Variants in SH3BP4 observed in about 807,000 individuals in gnomAD.
The protein encoded by SH3BP4 is SH3 domain-binding protein 4.
In SH3BP4, 33 loss-of-function variants were observed where a neutral mutation model predicts 65.5. That is an observed-to-expected ratio of 0.50 (90% CI 0.38 to 0.67). The LOEUF (loss-of-function observed/expected upper bound fraction) is 0.67. Ranked by LOEUF, SH3BP4 falls within the 30% of genes least tolerant of loss-of-function variation. SH3BP4 has a pLI of 0.00. For synonymous variants in SH3BP4, 552 were observed against 545.5 expected (o/e 1.01, Z -0.17); for missense variants, 1,134 against 1,261.4 (o/e 0.90, Z 1.53).
At chr2:234,964,432 G>C (rs574955982) in intron 1 of SH3BP4, among the ~76,000 whole-genome samples, 1 of 152,326 alleles carries the variant, frequency 6.6e-6, no homozygotes, top group Non-Finnish European at 1.5e-5. Flanking sequence ...TAAATGGGGA[G>C]CCCACCAGAT....
intron 1 of SH3BP4, among the ~76,000 whole-genome samples, chr2:234,968,377 C>CTTTTTTTTTTTTTTTTTTTTTTTTTTTTT (rs551034590): frequency 9.5e-6 from 1 of 105,772 alleles, no homozygotes; most frequent in Non-Finnish European, 2.0e-5. Context: ...CAGAGTTGTT[C>CTTTTTTTTTTTTTTTTTTTTTTTTTTTTT]TTTTTTTTTT....
chr2:235,041,590 C>G lies in SH3BP4; in HGVS notation c.821C>G (p.Pro274Arg). ...SFFTGLKSPAPEQFQSREDFR... is the reference protein window; with the variant it reads ...SFFTGLKSPAREQFQSREDFR... ...TTCACCGGCTTGAAATCACCTGCCC[C>G]CGAGCAATTTCAGAGCCGGGAGGAT... The change falls in exon 4 of 6, where the codon CCC becomes CGC. Residue 274 changes from proline to arginine, a missense_variant. Transcript: ENST00000392011. The surrounding 1 kb of genome is among the most constrained non-coding windows in gnomAD (Gnocchi z 6.0). The G allele has an allele frequency of 6.2e-7, 1 of 1,614,070 alleles. No homozygotes were observed. The highest frequency in any genetic ancestry group is 8.5e-7 in the Non-Finnish European group (1 of 1,180,042).
intron 2 of SH3BP4, among the ~76,000 whole-genome samples, chr2:234,996,841 G>A (rs1472232321): frequency 1.3e-5 from 2 of 152,238 alleles, no homozygotes; most frequent in East Asian, 3.8e-4. Context: ...TTGGGGCATC[G>A]CCAGAGCAGG....
At chr2:235,047,518 G>A (rs1695904101) in intron 4 of SH3BP4, among the ~76,000 whole-genome samples, 2 of 152,222 alleles carry the variant, frequency 1.3e-5, no homozygotes, top group South Asian at 4.1e-4. Flanking sequence ...TTAAGAATCA[G>A]AAAAGTCATT....
intron 1 of SH3BP4, among the ~76,000 whole-genome samples, chr2:234,955,238 T>C (rs577982219): frequency 1.3e-5 from 2 of 152,208 alleles, no homozygotes; most frequent in African/African-American, 4.8e-5. Flanking sequence ...TCAGCTTTGC[T>C]CCTGGCCAGG....
chr2:235,017,826 A>AT (rs1694737947), intron 2 of SH3BP4, among the ~76,000 whole-genome samples: 1 of 152,156 alleles, frequency 6.6e-6, no homozygotes, highest in Admixed American at 6.5e-5. Flanking sequence ...TTATTTTAGA[A>AT]TGTTGGTTTT....
intron 2 of SH3BP4, among the ~76,000 whole-genome samples, chr2:235,002,151 C>T (rs186936102): frequency 6.6e-6 from 1 of 152,328 alleles, no homozygotes; most frequent in Non-Finnish European, 1.5e-5. Flanking sequence ...TGTGAGCCAC[C>T]ATGCTGGGCT....
rs758335992 is a variant in SH3BP4, at chr2:235,030,015, GTGAT to G, written c.-132-4848_-132-4845del. Among the ~76,000 whole-genome samples, 1 of 152,252 alleles carries G rather than the reference GTGAT, an allele frequency of 6.6e-6. No homozygotes were observed. Among genetic ancestry groups the G allele is most frequent in the African/African-American group, 2.4e-5 (1 of 41,464 alleles). On this transcript the variant is annotated intron_variant, in intron 2 of 5. Transcript: ENST00000392011. This position sits in a 1 kb window ranked among gnomAD's most constrained non-coding sequence, Gnocchi z 4.1. ...CAGCAAGTTCCAGCGAATGTGGCCAGTGATTGATTGAAGGGTTGAGATCGGCAAT... is the reference window on the plus strand; with the variant it reads ...CAGCAAGTTCCAGCGAATGTGGCCAGTGATTGAAGGGTTGAGATCGGCAAT...
chr2:234,972,487 A>G (rs1291994584), intron 1 of SH3BP4, among the ~76,000 whole-genome samples: 1 of 151,914 alleles, frequency 6.6e-6, no homozygotes, highest in Non-Finnish European at 1.5e-5. Context: ...GGAGGAGGGA[A>G]GCTGAGGCAG....
chr2:235,014,631 G>A (rs951490809), intron 2 of SH3BP4, among the ~76,000 whole-genome samples: 9 of 152,106 alleles, frequency 5.9e-5, no homozygotes, highest in South Asian at 4.1e-4. Context: ...CCCATTCTCC[G>A]CTCCTGGCTT....
intron 1 of SH3BP4, among the ~76,000 whole-genome samples, chr2:234,981,959 G>A (rs1241540007): frequency 6.6e-6 from 1 of 152,070 alleles, no homozygotes; most frequent in Non-Finnish European, 1.5e-5. Flanking sequence ...CTCCTTCCTG[G>A]GTGGCCACCT....
At position 234,997,687 on chromosome 2, in the gene SH3BP4, C is replaced by A. The variant is rs776991744; in HGVS notation, c.-133+2311C>A. Among the ~76,000 whole-genome samples, 6 of 152,182 alleles carry A rather than the reference C, an allele frequency of 3.9e-5. No homozygotes were observed. The highest frequency in any genetic ancestry group is 8.8e-5 in the Non-Finnish European group (6 of 68,040). On this transcript the variant is annotated intron_variant, in intron 2 of 5. Transcript: ENST00000392011. This position sits in a 1 kb window ranked among gnomAD's most constrained non-coding sequence, Gnocchi z 4.2. ...ATGGCTGGGAAGGGTGAGCTCCAGCCCCCGGTGGCTTGAACACCCTCTGTA... is the reference window on the plus strand; with the variant it reads ...ATGGCTGGGAAGGGTGAGCTCCAGCACCCGGTGGCTTGAACACCCTCTGTA...
intron 3 of SH3BP4, among the ~76,000 whole-genome samples, chr2:235,039,069 T>C (rs1255918959): frequency 6.6e-6 from 1 of 152,168 alleles, no homozygotes; most frequent in Admixed American, 6.5e-5. Flanking sequence ...TTGTCCACCA[T>C]GAGTGGAGTC....
Position 235,050,882 on chromosome 2 carries a change from A to C in SH3BP4, c.2479-1680A>C, listed in dbSNP as rs6431335. ...GTTTTTTAGCACACTTTGGAGTCCT[A>C]AAATGACAACCTCAGGTGCTGAAAC... On this transcript the variant is annotated intron_variant, in intron 4 of 5. Coordinates refer to ENST00000392011, the MANE Select transcript of SH3BP4 (RefSeq NM_014521.3). Among the ~76,000 whole-genome samples, 6 of 152,238 alleles carry C rather than the reference A, an allele frequency of 3.9e-5. No individual in the cohort carries two copies. In the East Asian group the frequency reaches 1.2e-3, roughly 29 times the overall value.
At chr2:235,005,993 C>A (rs1043893653) in intron 2 of SH3BP4, among the ~76,000 whole-genome samples, 1 of 152,224 alleles carries the variant, frequency 6.6e-6, no homozygotes, top group Non-Finnish European at 1.5e-5. Flanking sequence ...GGTTTTGATC[C>A]CTGGGGGAGT....
Position 235,052,139 on chromosome 2 carries a change from C to G in SH3BP4, c.2479-423C>G, listed in dbSNP as rs1183138234. Among the ~76,000 whole-genome samples, 1 of 152,156 alleles carries G rather than the reference C, an allele frequency of 6.6e-6. No individual in the cohort carries two copies. Among genetic ancestry groups the G allele is most frequent in the African/African-American group, 2.4e-5 (1 of 41,436 alleles). On this transcript the variant is annotated intron_variant, in intron 4 of 5. Coordinates refer to ENST00000392011, the MANE Select transcript of SH3BP4 (RefSeq NM_014521.3). This position sits in a 1 kb window ranked among gnomAD's most constrained non-coding sequence, Gnocchi z 5.0. The stretch of plus-strand genomic sequence containing the variant: ...GCTCAACCCTCCTTCTTTTCCTTGG[C>G]TTGTTGCCGCATCTGTCCCGTCTCT...
chr2:234,998,848 G>C (rs998406582), intron 2 of SH3BP4, among the ~76,000 whole-genome samples: 1 of 152,186 alleles, frequency 6.6e-6, no homozygotes, highest in African/African-American at 2.4e-5. Context: ...GAGAAACTAA[G>C]GCCAGCGTCC....
chr2:235,018,636 A>G (rs1177846061), intron 2 of SH3BP4, among the ~76,000 whole-genome samples: 2 of 152,204 alleles, frequency 1.3e-5, no homozygotes, highest in Non-Finnish European at 2.9e-5. Flanking sequence ...ACAGTGAAGT[A>G]CTTCTGGGAG....
In SH3BP4 at chr2:235,034,708, A is replaced by G. The variant is rs1328600659; in HGVS notation, c.-132-163A>G. On this transcript the variant is annotated intron_variant, in intron 2 of 5. Coordinates refer to ENST00000392011, the MANE Select transcript of SH3BP4 (RefSeq NM_014521.3). This position sits in a 1 kb window ranked among gnomAD's most constrained non-coding sequence, Gnocchi z 6.2. ...CAAGCACAAAGTGGGCACAGAGGCC[A>G]AGGAGCAAGCGCTGCTCTGCTCTGT... is the stretch of plus-strand genomic sequence containing the variant. 6.6e-6 allele frequency among the ~76,000 whole-genome samples: 1 copy of G among 152,248 alleles called. No homozygotes were observed. Among genetic ancestry groups the G allele is most frequent in the Non-Finnish European group, 1.5e-5 (1 of 68,046 alleles).
Sources: allele counts gnomAD v4.1 joint callset (sites outside exome capture counted in the v4.1 genomes callset), GRCh38; gene constraint gnomAD v4.1.1; non-coding constraint Gnocchi (gnomAD v3.1); transcripts MANE v1.5; gene names NCBI Gene and HGNC (gene_info 2026-07-23, HGNC 2026-07-21).